RHOJ: variants seen among roughly 807,000 people sequenced by gnomAD.
The protein encoded by RHOJ is rho-related GTP-binding protein RhoJ.
RHOJ carries 11 observed loss-of-function variants against 23.4 expected under a neutral mutation model. The observed-to-expected ratio is 0.47, with a 90% CI of 0.30 to 0.78. The LOEUF is 0.78. RHOJ is among the 30% of genes least tolerant of loss of function. RHOJ has a pLI of 0.08. For synonymous variants in RHOJ, 102 were observed against 102.7 expected (o/e 0.99, Z 0.04); for missense variants, 254 against 273.4 (o/e 0.93, Z 0.50).
intron 1 of RHOJ, among the ~76,000 whole-genome samples, chr14:63,221,623 A>G (rs1011171306): frequency 6.6e-6 from 1 of 152,240 alleles, no homozygotes; most frequent in Non-Finnish European, 1.5e-5. Flanking sequence ...GATGTGCCCA[A>G]GGAGTTCATT....
At chr14:63,226,055 A>G (rs1177926252) in intron 1 of RHOJ, among the ~76,000 whole-genome samples, 1 of 152,178 alleles carries the variant, frequency 6.6e-6, no homozygotes, top group East Asian at 1.9e-4. Context: ...CATTCACAAT[A>G]GCTTATACAG....
At chr14:63,226,108 C>T (rs1013354631) in intron 1 of RHOJ, among the ~76,000 whole-genome samples, 6 of 151,888 alleles carry the variant, frequency 4.0e-5, no homozygotes, top group Non-Finnish European at 7.4e-5. Flanking sequence ...TTGAAAGAAA[C>T]TAGTATTGCA....
intron 1 of RHOJ, among the ~76,000 whole-genome samples, chr14:63,265,089 A>G (rs896646864): frequency 6.6e-6 from 1 of 152,108 alleles, no homozygotes; most frequent in Non-Finnish European, 1.5e-5. Flanking sequence ...ACCTAGTCAT[A>G]ATATCTTTCT....
At chr14:63,223,413 T>C (rs1310234759) in intron 1 of RHOJ, among the ~76,000 whole-genome samples, 2 of 152,122 alleles carry the variant, frequency 1.3e-5, no homozygotes, top group Admixed American at 6.5e-5. Flanking sequence ...TACCCTACTC[T>C]CCCATCATCT....
At chr14:63,232,980 G>A (rs1437266610) in intron 1 of RHOJ, among the ~76,000 whole-genome samples, 1 of 152,064 alleles carries the variant, frequency 6.6e-6, no homozygotes, top group African/African-American at 2.4e-5. Context: ...ACAGGCATGA[G>A]CCACCGCACC....
chr14:63,278,622 CACA>C (rs977535647), intron 2 of RHOJ, among the ~76,000 whole-genome samples: 10 of 151,988 alleles, frequency 6.6e-5, no homozygotes, highest in South Asian at 4.2e-4. Flanking sequence ...ACACAAGTGG[CACA>C]ACAATATGAA....
rs575346381 is a variant in RHOJ, at chr14:63,220,478, G to A, written c.178+15431G>A. On this transcript the variant is annotated intron_variant, in intron 1 of 4. Transcript: ENST00000316754. Reference sequence around the variant, plus strand: ...AAAAAAAAAAAATCTAGTTGGTTACGTTAAATAGAAAAAAAACAACAACCA... The same window carrying A: ...AAAAAAAAAAAATCTAGTTGGTTACATTAAATAGAAAAAAAACAACAACCA... Among the ~76,000 whole-genome samples the A allele has an allele frequency of 9.3e-5, 14 of 151,260 alleles. No individual in the cohort carries two copies. In the East Asian group the frequency reaches 9.7e-4, roughly 10 times the overall value.
chr14:63,214,907 GA>G (rs1159615313), intron 1 of RHOJ, among the ~76,000 whole-genome samples: 1 of 152,118 alleles, frequency 6.6e-6, no homozygotes, highest in South Asian at 2.1e-4. Context: ...AAGACCTTCA[GA>G]GGGGTCACTG....
intron 1 of RHOJ, among the ~76,000 whole-genome samples, chr14:63,222,149 T>G (rs1894508654): frequency 6.6e-6 from 1 of 152,060 alleles, no homozygotes; most frequent in Non-Finnish European, 1.5e-5. Context: ...ACAAAGGACA[T>G]GAACTCATCC....
intron 1 of RHOJ, among the ~76,000 whole-genome samples, chr14:63,227,669 A>G (rs1894619809): frequency 6.6e-6 from 1 of 152,254 alleles, no homozygotes; most frequent in South Asian, 2.1e-4. Flanking sequence ...ACAGTACTTT[A>G]TAGAAAGTCA....
At chr14:63,269,286 C>A in intron 2 of RHOJ, 118 bp downstream of exon 2, 1 of 640,646 alleles carries the variant, frequency 1.6e-6, no homozygotes. Flanking sequence ...CATTTGGGGC[C>A]AATTTATTGT....
chr14:63,240,671 A>C (rs1322566150), intron 1 of RHOJ, among the ~76,000 whole-genome samples: 1 of 152,228 alleles, frequency 6.6e-6, no homozygotes, highest in Non-Finnish European at 1.5e-5. Flanking sequence ...CACAAACTAT[A>C]GGGTCACTTG....
At chr14:63,206,469 C>G (rs1894110959) in intron 1 of RHOJ, among the ~76,000 whole-genome samples, 1 of 152,152 alleles carries the variant, frequency 6.6e-6, no homozygotes, top group African/African-American at 2.4e-5. Context: ...TCTCCTGAAA[C>G]CATCTTAGCA....
At chr14:63,278,625 A>G (rs1315982212) in intron 2 of RHOJ, among the ~76,000 whole-genome samples, 2 of 152,160 alleles carry the variant, frequency 1.3e-5, no homozygotes, top group Non-Finnish European at 2.9e-5. Context: ...CAAGTGGCAC[A>G]ACAATATGAA....
At chr14:63,219,962 C>T (rs1255692097) in intron 1 of RHOJ, among the ~76,000 whole-genome samples, 1 of 152,052 alleles carries the variant, frequency 6.6e-6, no homozygotes, top group Non-Finnish European at 1.5e-5. Context: ...CAAATTTCAC[C>T]GTAGTACTAT....
chr14:63,268,361 C>T (rs1895405710), intron 1 of RHOJ, among the ~76,000 whole-genome samples: 1 of 152,066 alleles, frequency 6.6e-6, no homozygotes, highest in African/African-American at 2.4e-5. Context: ...CCCTGTTTTC[C>T]TTCTCATTTT....
At chr14:63,282,768 A>G (rs545521221) in intron 3 of RHOJ, among the ~76,000 whole-genome samples, 1 of 152,228 alleles carries the variant, frequency 6.6e-6, no homozygotes, top group South Asian at 2.1e-4. Flanking sequence ...ATAAGGCCTC[A>G]CTGAAAGGTA....
intron 1 of RHOJ, among the ~76,000 whole-genome samples, chr14:63,212,278 G>T (rs78090120): frequency 6.6e-5 from 10 of 152,264 alleles, no homozygotes; most frequent in African/African-American, 2.4e-4. Context: ...TGGAGGGAAA[G>T]CCCCCCTCTG....
chr14:63,229,032 A>T (rs1265358876), intron 1 of RHOJ, among the ~76,000 whole-genome samples: 5 of 152,318 alleles, frequency 3.3e-5, no homozygotes, highest in Admixed American at 2.6e-4. Flanking sequence ...ACTAAAATAG[A>T]AGTTTCATAA....
Sources: gnomAD v4.1 joint callset for allele counts (sites outside exome capture counted in the v4.1 genomes callset) on GRCh38, gnomAD v4.1.1 for gene constraint, MANE v1.5 for transcripts, NCBI Gene and HGNC (gene_info 2026-07-23, HGNC 2026-07-21) for gene names.